Variants in XIRP2 observed in about 807,000 individuals in gnomAD.
The protein encoded by XIRP2 is xin actin binding repeat containing 2.
A neutral mutation model predicts 277.0 loss-of-function variants in XIRP2; 236 were observed. That is an observed-to-expected ratio of 0.85 (90% CI 0.77 to 0.95). The LOEUF (loss-of-function observed/expected upper bound fraction) is 0.95. XIRP2 is among the 40% of genes least tolerant of loss of function. The pLI, the probability that XIRP2 is intolerant of heterozygous loss-of-function variation, is 0.00. For missense variants in XIRP2, 4,640 were observed against 4,157.5 expected, an observed-to-expected ratio of 1.12 and a Z score of -3.19; for synonymous variants, 1,490 against 1,416.5, an observed-to-expected ratio of 1.05 and a Z score of -1.17.
intron 2 of XIRP2, among the ~76,000 whole-genome samples, chr2:166,910,260 T>C (rs1046357442): frequency 2.0e-5 from 3 of 152,182 alleles, no homozygotes; most frequent in Non-Finnish European, 2.9e-5. Context: ...TTTTGGTTGG[T>C]AGGCTATAAA....
At chr2:167,199,828 C>A (rs1187158195) in intron 3 of XIRP2, among the ~76,000 whole-genome samples, 2 of 152,016 alleles carry the variant, frequency 1.3e-5, no homozygotes, top group Non-Finnish European at 1.5e-5. Flanking sequence ...AACTAAACCA[C>A]ACATAAAGGA....
chr2:166,997,241 AC>A (rs1319282063), intron 2 of XIRP2, among the ~76,000 whole-genome samples: 3 of 151,838 alleles, frequency 2.0e-5, no homozygotes, highest in East Asian at 3.9e-4. Context: ...TACATTCTTA[AC>A]CCTATTTGTT....
intron 2 of XIRP2, among the ~76,000 whole-genome samples, chr2:167,090,072 G>C (rs1280345868): frequency 6.6e-6 from 1 of 152,012 alleles, no homozygotes; most frequent in Non-Finnish European, 1.5e-5. Flanking sequence ...AGTGAAGAGG[G>C]AAAATTATTT....
intron 3 of XIRP2, among the ~76,000 whole-genome samples, chr2:167,140,112 G>A (rs1691668156): frequency 6.6e-6 from 1 of 152,110 alleles, no homozygotes; most frequent in Non-Finnish European, 1.5e-5. Flanking sequence ...ACTTGTCTTC[G>A]AGAACTAGGG....
chr2:167,244,747 A>T lies in XIRP2; in HGVS notation c.3355A>T (p.Ile1119Phe), dbSNP rs770672318. The T allele has an allele frequency of 1.2e-6, 2 of 1,613,164 alleles. No homozygotes were observed. Among genetic ancestry groups the T allele is most frequent in the Non-Finnish European group, 1.7e-6 (2 of 1,179,656 alleles). ...KVSLMTSSEE[I>F]HKGDVKTCTW... is the part of the protein sequence containing the mutation. ...TTCGTTAATGACCAGCAGTGAAGAA[A>T]TTCATAAGGGAGATGTCAAAACTTG... Residue 1119 changes from isoleucine (I) to phenylalanine (F), a missense_variant, in exon 9 of 11, where the codon ATT (isoleucine) becomes TTT (phenylalanine). Coordinates refer to ENST00000409195, the MANE Select transcript of XIRP2 (RefSeq NM_152381.6).
At position 167,247,646 on chromosome 2, in the gene XIRP2, C is replaced by T. The variant is rs745447346; in HGVS notation, c.6254C>T (p.Ser2085Leu). Residue 2085 changes from serine (S) to leucine (L), a missense_variant, in exon 9 of 11, where the codon TCA (serine) becomes TTA (leucine). Physicochemically the swap from Ser to Leu is moderately radical, Grantham distance 145. Transcript: ENST00000409195. ...RDEYMSRQLTSTVSVKNNLTT... is the reference protein window; with the variant it reads ...RDEYMSRQLTLTVSVKNNLTT... ...GAATATATGAGCAGACAATTAACTT[C>T]AACTGTGTCAGTTAAGAATAATCTA... The T allele has an allele frequency of 2.5e-6, 4 of 1,613,612 alleles. No homozygotes were observed. Among genetic ancestry groups the T allele is most frequent in the South Asian group, 2.2e-5 (2 of 91,070 alleles).
chr2:167,123,350 A>G (rs1390280018), intron 2 of XIRP2, among the ~76,000 whole-genome samples: 1 of 152,174 alleles, frequency 6.6e-6, no homozygotes, highest in African/African-American at 2.4e-5. Context: ...AGCTATTTTT[A>G]AAGCTACGAA....
chr2:166,908,162 T>A (rs1453125028), intron 2 of XIRP2, among the ~76,000 whole-genome samples: 2 of 152,172 alleles, frequency 1.3e-5, no homozygotes, highest in Non-Finnish European at 2.9e-5. Context: ...ATGGTATGTC[T>A]ACTTCTAGAT....
rs995686779 is a variant in XIRP2, at chr2:167,248,832, C to T, written c.7440C>T (p.Asn2480=). The T allele has an allele frequency of 9.9e-6, 16 of 1,613,306 alleles. No individual in the cohort carries two copies. Among genetic ancestry groups the T allele is most frequent in the Middle Eastern group, 1.6e-4 (1 of 6,074 alleles). Residue 2480 remains asparagine (N), a synonymous_variant, in exon 9 of 11, where the codon AAC becomes AAT. Coordinates refer to ENST00000409195, the MANE Select transcript of XIRP2 (RefSeq NM_152381.6). ...TSSEHTETKQ[N]VISKSLDERK... ...GTGAACACACGGAGACAAAGCAGAA[C>T]GTTATTAGTAAGAGTCTTGATGAAA...
chr2:167,246,587 G>A lies in XIRP2; in HGVS notation c.5195G>A (p.Arg1732Lys). 6 of 1,613,726 alleles carry A rather than the reference G, an allele frequency of 3.7e-6. No individual in the cohort carries two copies. The highest frequency in any genetic ancestry group is 5.1e-6 in the Non-Finnish European group (6 of 1,179,822). Reference sequence around the variant, plus strand: ...ACATCAAACAATAAAATATCTGAAAGGGCTAAAATTGATGCCTCTGAGAGA... The same window carrying A: ...ACATCAAACAATAAAATATCTGAAAAGGCTAAAATTGATGCCTCTGAGAGA... ...SSTSNNKISE[R>K]AKIDASERGN... Residue 1732 changes from arginine to lysine, a missense_variant, in exon 9 of 11, where the codon AGG becomes AAG. By Grantham distance (26) the Arg-to-Lys change is conservative. Coordinates refer to ENST00000409195, the MANE Select transcript of XIRP2 (RefSeq NM_152381.6).
chr2:166,944,344 G>T (rs905613407), intron 2 of XIRP2, among the ~76,000 whole-genome samples: 1 of 152,114 alleles, frequency 6.6e-6, no homozygotes, highest in Non-Finnish European at 1.5e-5. Context: ...CCTCCTGTTC[G>T]TAAGTTGCCT....
intron 2 of XIRP2, among the ~76,000 whole-genome samples, chr2:167,122,190 T>A (rs772530446): frequency 1.3e-5 from 2 of 152,156 alleles, no homozygotes; most frequent in Non-Finnish European, 2.9e-5. Context: ...CAGAGAATAT[T>A]AAATAATTGT....
At chr2:166,971,092 A>C (rs1686564275) in intron 2 of XIRP2, among the ~76,000 whole-genome samples, 1 of 151,926 alleles carries the variant, frequency 6.6e-6, no homozygotes, top group South Asian at 2.1e-4. Context: ...TATTGAGATT[A>C]TTTTTTTCCA....
intron 2 of XIRP2, among the ~76,000 whole-genome samples, chr2:167,133,435 A>G (rs1182292738): frequency 6.6e-6 from 1 of 152,192 alleles, no homozygotes; most frequent in Non-Finnish European, 1.5e-5. Context: ...ATTCACATGT[A>G]GATTGTTCCT....
chr2:167,022,632 A>G (rs1688017377), intron 2 of XIRP2, among the ~76,000 whole-genome samples: 2 of 147,528 alleles, frequency 1.4e-5, no homozygotes. Context: ...CCAGAGTGTG[A>G]TGTTCCCCTT....
intron 2 of XIRP2, among the ~76,000 whole-genome samples, chr2:167,017,415 CA>C (rs1687861997): frequency 1.3e-5 from 2 of 151,932 alleles, no homozygotes; most frequent in Non-Finnish European, 2.9e-5. Flanking sequence ...CACTGTGTAA[CA>C]AAAAAGCCCT....
intron 3 of XIRP2, among the ~76,000 whole-genome samples, chr2:167,136,910 T>C (rs1486479349): frequency 6.6e-6 from 1 of 152,206 alleles, no homozygotes; most frequent in Non-Finnish European, 1.5e-5. Flanking sequence ...GGAAAGCAAA[T>C]GGTACTCTGC....
intron 1 of XIRP2, among the ~76,000 whole-genome samples, chr2:166,901,322 C>T (rs1050074795): frequency 3.9e-5 from 6 of 152,044 alleles, no homozygotes; most frequent in South Asian, 2.1e-4. Flanking sequence ...CTAGGCAGTT[C>T]GCCTTCTCTC....
chr2:166,980,945 G>C (rs567466458), intron 2 of XIRP2, among the ~76,000 whole-genome samples: 5 of 152,052 alleles, frequency 3.3e-5, no homozygotes, highest in Admixed American at 2.0e-4. Context: ...TGATCTCACA[G>C]TACATCCTTA....
Sources: allele counts gnomAD v4.1 joint callset (sites outside exome capture counted in the v4.1 genomes callset), GRCh38; gene constraint gnomAD v4.1.1; transcripts MANE v1.5; gene names NCBI Gene and HGNC (gene_info 2026-07-23, HGNC 2026-07-21).